Variants in STUM observed in about 807,000 individuals in gnomAD.
The protein encoded by STUM is stum, mechanosensory transduction mediator homolog.
A neutral mutation model predicts 15.3 loss-of-function variants in STUM; 8 were observed. The observed-to-expected ratio is 0.52, with a 90% CI of 0.31 to 0.94. The LOEUF (loss-of-function observed/expected upper bound fraction) is 0.94, where lower values mean the gene tolerates loss of function less well. Among genes scored for constraint, STUM ranks in the 40% least tolerant of loss-of-function variants. STUM has a pLI of 0.05. For synonymous variants in STUM, 78 were observed against 88.7 expected, an observed-to-expected ratio of 0.88 and a Z score of 0.68; for missense variants, 142 against 204.9, an observed-to-expected ratio of 0.69 and a Z score of 1.87.
intron 2 of STUM, among the ~76,000 whole-genome samples, chr1:226,599,445 G>A (rs1668232214): frequency 6.6e-6 from 1 of 152,244 alleles, no homozygotes; most frequent in Admixed American, 6.5e-5. Context: ...CTCCTTTGAA[G>A]GGAATTATCA....
At chr1:226,559,841 C>G (rs552187902) in intron 1 of STUM, among the ~76,000 whole-genome samples, 1 of 152,120 alleles carries the variant, frequency 6.6e-6, no homozygotes, top group African/African-American at 2.4e-5. Flanking sequence ...GGCATGGTGG[C>G]GGGTGCCTGT....
At chr1:226,576,353 G>T (rs1340281286) in intron 1 of STUM, among the ~76,000 whole-genome samples, 2 of 152,212 alleles carry the variant, frequency 1.3e-5, no homozygotes, top group Non-Finnish European at 2.9e-5. Flanking sequence ...AAGGCCAGTA[G>T]CCCTGAATCA....
intron 2 of STUM, chr1:226,597,305 T>G (rs919571513): frequency 5.7e-6 from 3 of 529,588 alleles, no homozygotes; most frequent in Non-Finnish European, 1.1e-5. Context: ...ACAACTCAGT[T>G]ACCCTTTCTA....
At chr1:226,573,356 T>C (rs1667751490) in intron 1 of STUM, among the ~76,000 whole-genome samples, 1 of 152,198 alleles carries the variant, frequency 6.6e-6, no homozygotes, top group African/African-American at 2.4e-5. Flanking sequence ...CACGACTCTT[T>C]CAGTTAAAAG....
intron 1 of STUM, among the ~76,000 whole-genome samples, chr1:226,595,893 C>T (rs1668173059): frequency 6.6e-6 from 1 of 152,232 alleles, no homozygotes; most frequent in Non-Finnish European, 1.5e-5. Context: ...TTCTAACCTC[C>T]AGAACTATAA....
chr1:226,586,308 T>C (rs1151808), intron 1 of STUM, among the ~76,000 whole-genome samples: 110,939 of 152,104 alleles, frequency 0.73, 41,016 homozygotes, highest in African/African-American at 0.85. Flanking sequence ...GCCTGGAACA[T>C]TTGAGCTCAC....
Position 226,602,056 on chromosome 1 carries a change from TG to T in STUM, c.*20del. The T allele has an allele frequency of 6.2e-7, 1 of 1,603,730 alleles. No individual in the cohort carries two copies. On this transcript the variant is annotated 3_prime_UTR_variant, in exon 4 of 4. Coordinates refer to ENST00000366788, the MANE Select transcript of STUM (RefSeq NM_001003665.4). ...GCAGCTGTGAGCCCACGGGAGCCGC[TG>T]GGGAGATCCAGGGGGGCCCTGTGAG...
intron 1 of STUM, among the ~76,000 whole-genome samples, chr1:226,575,668 A>C (rs945454795): frequency 6.6e-6 from 1 of 152,222 alleles, no homozygotes; most frequent in Non-Finnish European, 1.5e-5. Flanking sequence ...AGATTTCCCA[A>C]AGTGCCATTT....
chr1:226,556,929 A>G (rs1412885148), intron 1 of STUM, among the ~76,000 whole-genome samples: 3 of 152,258 alleles, frequency 2.0e-5, no homozygotes, highest in Non-Finnish European at 4.4e-5. Context: ...GAATAATTAC[A>G]TCAAGCTAGT....
At chr1:226,580,061 T>A (rs1667894353) in intron 1 of STUM, among the ~76,000 whole-genome samples, 1 of 152,108 alleles carries the variant, frequency 6.6e-6, no homozygotes, top group African/African-American at 2.4e-5. Flanking sequence ...CAAGAGTTGA[T>A]GGGAACTTGA....
At chr1:226,582,360 A>G (rs1667931732) in intron 1 of STUM, among the ~76,000 whole-genome samples, 1 of 152,186 alleles carries the variant, frequency 6.6e-6, no homozygotes, top group East Asian at 1.9e-4. Flanking sequence ...TGGGAGGCCG[A>G]GGCAGGTGGA....
chr1:226,587,936 C>T (rs896525283), intron 1 of STUM, among the ~76,000 whole-genome samples: 17 of 152,140 alleles, frequency 1.1e-4, no homozygotes, highest in African/African-American at 3.4e-4. Flanking sequence ...CTGGCAAGTT[C>T]GGCTTTCCAA....
chr1:226,554,472 T>G (rs1667417653), intron 1 of STUM, among the ~76,000 whole-genome samples: 1 of 152,132 alleles, frequency 6.6e-6, no homozygotes, highest in African/African-American at 2.4e-5. Context: ...ATAGATGAAC[T>G]GAAATAGTTG....
intron 1 of STUM, among the ~76,000 whole-genome samples, chr1:226,585,330 T>C (rs187800640): frequency 1.3e-5 from 2 of 152,210 alleles, no homozygotes; most frequent in African/African-American, 4.8e-5. Context: ...ACAGTCCCCA[T>C]CATCCTCCTT....
intron 1 of STUM, among the ~76,000 whole-genome samples, chr1:226,564,883 A>G (rs1443810600): frequency 6.6e-6 from 1 of 152,174 alleles, no homozygotes; most frequent in African/African-American, 2.4e-5. Flanking sequence ...TGAATGACTA[A>G]GAAGCCTTGC....
intron 1 of STUM, among the ~76,000 whole-genome samples, chr1:226,572,867 C>T (rs1446359459): frequency 6.6e-6 from 1 of 152,202 alleles, no homozygotes; most frequent in Non-Finnish European, 1.5e-5. Context: ...AACACACAGT[C>T]CAAGCCTCTC....
chr1:226,582,639 A>G (rs1281365511), intron 1 of STUM, among the ~76,000 whole-genome samples: 1 of 151,152 alleles, frequency 6.6e-6, no homozygotes, highest in Non-Finnish European at 1.5e-5. Flanking sequence ...CTGAAGGGTC[A>G]CCCCAAAGTC....
chr1:226,592,186 T>C (rs563046771), intron 1 of STUM, among the ~76,000 whole-genome samples: 1 of 152,340 alleles, frequency 6.6e-6, no homozygotes, highest in African/African-American at 2.4e-5. Context: ...TAGCTGGGAC[T>C]ACAGGCGTGC....
At position 226,549,123 on chromosome 1, in the gene STUM, G is replaced by A. The variant is rs764114851; in HGVS notation, c.202+17G>A. 1.3e-6 allele frequency: 2 copies of A among 1,560,254 alleles called. No individual in the cohort carries two copies. Among genetic ancestry groups the A allele is most frequent in the Admixed American group, 3.8e-5 (2 of 53,290 alleles). ...CGGGACTGGGTAAGACACGGCTGCC[G>A]CGACCCTTGCGACCCCCACCCCGCC... On this transcript the variant is annotated intron_variant, in intron 1 of 3. Transcript: ENST00000366788. The surrounding 1 kb of genome is among the most constrained non-coding windows in gnomAD (Gnocchi z 6.8).
Sources: gnomAD v4.1 joint callset for allele counts (sites outside exome capture counted in the v4.1 genomes callset) on GRCh38, gnomAD v4.1.1 for gene constraint, Gnocchi (gnomAD v3.1) non-coding constraint, MANE v1.5 for transcripts, NCBI Gene and HGNC (gene_info 2026-07-23, HGNC 2026-07-21) for gene names.